The following NISCH variants were observed in gnomAD, a reference collection of about 807,000 sequenced individuals.
The protein encoded by NISCH is nischarin.
NISCH carries 55 observed loss-of-function variants against 138.4 expected under a neutral mutation model. The ratio of observed to expected loss-of-function variants is 0.40; its 90% CI spans 0.32 to 0.50. The LOEUF (loss-of-function observed/expected upper bound fraction) is 0.50, where lower values mean the gene tolerates loss of function less well. NISCH is among the 20% of genes least tolerant of loss of function. The pLI is 0.71. For missense variants in NISCH, 1,643 were observed against 2,005.5 expected (o/e 0.82, Z 3.45); for synonymous variants, 860 against 861.5 (o/e 1.00, Z 0.03).
chr3:52,455,946 T>G, intron 1 of NISCH, among the ~76,000 whole-genome samples: 1 of 144,204 alleles, frequency 6.9e-6, no homozygotes, highest in Non-Finnish European at 1.5e-5. Flanking sequence ...GGGGAGGCGG[T>G]TTGGAAAAGG....
chr3:52,491,846 A>G lies in NISCH; in HGVS notation c.3905-26A>G, dbSNP rs1334384055. 5 of 1,557,148 alleles carry G rather than the reference A, an allele frequency of 3.2e-6. No individual in the cohort carries two copies. The South Asian group carries it at 3.6e-5, about 11-fold the overall frequency. On this transcript the variant is annotated intron_variant, in intron 20 of 20. Coordinates refer to ENST00000345716, the MANE Select transcript of NISCH (RefSeq NM_007184.4). The stretch of plus-strand genomic sequence containing the variant: ...CCCCACCAGGGGCCGGTTCCAGGCT[A>G]TAGCCCAGGTGGCATCTCTCTGCAG...
At position 52,463,388 on chromosome 3, in the gene NISCH, C is replaced by T. The variant is rs76061758; in HGVS notation, c.360+4544C>T. Among the ~76,000 whole-genome samples the T allele has an allele frequency of 1.3e-3, 205 of 152,250 alleles. 1 individual carries two copies. The highest frequency in any genetic ancestry group is 4.7e-3 in the African/African-American group (195 of 41,540). ...TGTTAGGTTTGTTTCCATTTTTGGC[C>T]ATTGCAAATGATGCTGCTATGAGCA... On this transcript the variant is annotated intron_variant, in intron 3 of 20. Transcript: ENST00000345716.
intron 11 of NISCH, among the ~76,000 whole-genome samples, chr3:52,479,520 G>A (rs372293159): frequency 1.3e-5 from 2 of 152,120 alleles, no homozygotes; most frequent in Non-Finnish European, 2.9e-5. Context: ...GCATTCCCAG[G>A]TCACTTCCAT....
chr3:52,473,796 G>A lies in NISCH; in HGVS notation c.732G>A (p.Thr244=), dbSNP rs756262536. The change falls in exon 7 of 21, where the codon ACG becomes ACA. Residue 244 remains threonine, a synonymous_variant. Coordinates refer to ENST00000345716, the MANE Select transcript of NISCH (RefSeq NM_007184.4). ...GLVASKPTLA[T]LSVRFSATSM... is the part of the protein sequence containing the mutation. Reference sequence around the variant, plus strand: ...TCGCATCGAAGCCCACCTTAGCCACGCTGAGTGTCCGCTTCTCAGCAACCT... The same window carrying A: ...TCGCATCGAAGCCCACCTTAGCCACACTGAGTGTCCGCTTCTCAGCAACCT... 31 of 1,609,832 alleles carry A rather than the reference G, an allele frequency of 1.9e-5. No homozygotes were observed. Among genetic ancestry groups the A allele is most frequent in the African/African-American group, 4.0e-5 (3 of 74,864 alleles).
intron 7 of NISCH, among the ~76,000 whole-genome samples, chr3:52,474,781 A>G (rs1578293069): frequency 6.6e-6 from 1 of 152,080 alleles, no homozygotes. Context: ...AAGTGGCGGG[A>G]CCTTTATTAA....
At chr3:52,480,909 T>C (rs1365237916) in intron 13 of NISCH, 2 of 1,534,218 alleles carry the variant, frequency 1.3e-6, no homozygotes, top group African/African-American at 1.4e-5. Flanking sequence ...GTGAAGCAGG[T>C]CTCATGAGCG....
rs541242301 is a variant in NISCH, at chr3:52,485,914, T to G, written c.1703+87T>G. 50 of 1,354,272 alleles carry G rather than the reference T, an allele frequency of 3.7e-5. No homozygotes were observed. The East Asian group carries it at 1.3e-3, about 34-fold the overall frequency. 83.9% of individuals were successfully genotyped at this position (1,354,272 alleles called of 1,614,324 possible). A position where few individuals can be genotyped will look rare whatever the true frequency, so the allele number is the denominator to read the frequency against. On this transcript the variant is annotated intron_variant, in intron 15 of 20. Transcript: ENST00000345716. ...TGTGGGCCAGGGGTGGCCAGTCAGG[T>G]TTTTTTAAAAATCCGTTCACAGAAG...
chr3:52,457,988 A>G (rs1183645784), intron 2 of NISCH, 62 bp downstream of exon 2: 5 of 1,260,512 alleles, frequency 4.0e-6, no homozygotes, highest in Middle Eastern at 1.9e-4. Context: ...CCAACTTTCC[A>G]TTGTGCCACA....
chr3:52,467,044 A>G (rs1172589726), intron 3 of NISCH, among the ~76,000 whole-genome samples: 4 of 129,288 alleles, frequency 3.1e-5, no homozygotes, highest in African/African-American at 1.2e-4. Context: ...CTTGTTGCCC[A>G]GGCTGGAGTG....
In NISCH at chr3:52,484,645, C is replaced by T. The variant is rs139043178; in HGVS notation, c.1653+8C>T. The T allele has an allele frequency of 2.6e-4, 422 of 1,613,800 alleles. No homozygotes were observed. In the African/African-American group the frequency reaches 4.8e-3, roughly 18 times the overall value. ...TCCATCCCTGCGGGACAGGTAATGC[C>T]CTCTTCCCGCTTCTGGGGACCATAC... On this transcript the variant is annotated splice_region_variant and intron_variant, in intron 14 of 20. Coordinates refer to ENST00000345716, the MANE Select transcript of NISCH (RefSeq NM_007184.4).
chr3:52,467,502 GC>G (rs1294523840), intron 3 of NISCH, among the ~76,000 whole-genome samples: 1 of 152,150 alleles, frequency 6.6e-6, no homozygotes, highest in East Asian at 1.9e-4. Flanking sequence ...CTCTGAGGAG[GC>G]CCATGTGCTA....
At chr3:52,458,205 G>A (rs1321869813) in intron 2 of NISCH, among the ~76,000 whole-genome samples, 1 of 152,224 alleles carries the variant, frequency 6.6e-6, no homozygotes, top group Non-Finnish European at 1.5e-5. Context: ...CCTGGGAAGG[G>A]GACAGGTTTG....
intron 20 of NISCH, 36 bp from the exon 21 acceptor site, chr3:52,491,836 G>C: frequency 6.5e-7 from 1 of 1,542,814 alleles, no homozygotes; most frequent in Non-Finnish European, 8.7e-7. Flanking sequence ...CCAGGGGCCG[G>C]TTCCAGGCTA....
intron 1 of NISCH, among the ~76,000 whole-genome samples, chr3:52,456,803 C>T (rs1189216284): frequency 6.6e-6 from 1 of 152,212 alleles, no homozygotes; most frequent in Non-Finnish European, 1.5e-5. Flanking sequence ...GAGGAGGCTT[C>T]AGCTCCATGC....
rs979020965 is a variant in NISCH at position 52,489,817 on chromosome 3, C to G, written c.3456+139C>G. The G allele has an allele frequency of 9.9e-6, 14 of 1,419,426 alleles. No individual in the cohort carries two copies. The Middle Eastern group carries it at 7.4e-4, about 75-fold the overall frequency. 87.9% of individuals were successfully genotyped at this position (1,419,426 alleles called of 1,614,324 possible). Reference sequence around the variant, plus strand: ...GCTGAGCTGCTCACAGCTTTGAGGACCTGGGCAGTGAGGTCCTGAGTTGCC... The same window carrying G: ...GCTGAGCTGCTCACAGCTTTGAGGAGCTGGGCAGTGAGGTCCTGAGTTGCC... On this transcript the variant is annotated intron_variant, in intron 17 of 20. Transcript: ENST00000345716.
At chr3:52,484,462 T>TTGGCCCCCCCCCCCCCC in intron 13 of NISCH, 51 bp from the exon 14 acceptor site, 2 of 788,670 alleles carry the variant, frequency 2.5e-6, no homozygotes, top group Non-Finnish European at 3.7e-6. Flanking sequence ...ACAGCCGCTC[T>TTGGCCCCCCCCCCCCCC]CCCCGCCCCA....
chr3:52,472,674 AG>A (rs1215409953), intron 6 of NISCH, among the ~76,000 whole-genome samples: 1 of 152,150 alleles, frequency 6.6e-6, no homozygotes, highest in Non-Finnish European at 1.5e-5. Context: ...GACTCCTCAT[AG>A]GGGCAGGGGG....
Position 52,491,933 on chromosome 3 carries a change from G to A in NISCH, c.3966G>A (p.Glu1322=). Residue 1322 remains glutamate (E), a synonymous_variant, in exon 21 of 21, where the codon GAG becomes GAA. Transcript: ENST00000345716. The stretch of plus-strand genomic sequence containing the variant: ...GCGTCAAGTTTACCTACCCCAGTGA[G>A]GAGGAGATTGGGGACCTGACGTTCA... ...SSRVKFTYPS[E]EEIGDLTFTV... The A allele has an allele frequency of 1.2e-6, 2 of 1,613,566 alleles. No individual in the cohort carries two copies. Among genetic ancestry groups the A allele is most frequent in the Non-Finnish European group, 1.7e-6 (2 of 1,179,942 alleles).
chr3:52,490,038 A>G (rs1003705497), intron 17 of NISCH, 37 bp from the exon 18 acceptor site: 3 of 1,611,624 alleles, frequency 1.9e-6, no homozygotes, highest in South Asian at 1.1e-5. Flanking sequence ...GCAGGTTGCT[A>G]GGGTGGTGGA....
Sources: gnomAD v4.1 joint callset for allele counts (sites outside exome capture counted in the v4.1 genomes callset) on GRCh38, gnomAD v4.1.1 for gene constraint, MANE v1.5 for transcripts, NCBI Gene and HGNC (gene_info 2026-07-23, HGNC 2026-07-21) for gene names.